The following ARL13B variants were observed in gnomAD, a reference collection of about 807,000 sequenced individuals.
ARL13B encodes the protein ARF like GTPase 13B, also known as ADP-ribosylation factor-like protein 13B.
In ARL13B, 36 loss-of-function variants were observed where a neutral mutation model predicts 56.1. The ratio of observed to expected loss-of-function variants is 0.64; its 90% CI spans 0.49 to 0.85. The LOEUF (loss-of-function observed/expected upper bound fraction) is 0.85. Among genes scored for constraint, ARL13B ranks in the 40% least tolerant of loss-of-function variants. The probability of loss-of-function intolerance (pLI) is 0.00; values close to 1 mark genes in which losing one functional copy is unlikely to be tolerated. For missense variants in ARL13B, 519 were observed against 507.1 expected (o/e 1.02, Z -0.23); for synonymous variants, 178 against 171.1 (o/e 1.04, Z -0.32).
chr3:94,004,399 T>G (rs2076100463), intron 3 of ARL13B, among the ~76,000 whole-genome samples: 1 of 152,148 alleles, frequency 6.6e-6, no homozygotes, highest in South Asian at 2.1e-4. Flanking sequence ...AGGCATACAC[T>G]TATATGATTT....
chr3:93,994,816 A>G (rs1236198258), intron 1 of ARL13B, among the ~76,000 whole-genome samples: 3 of 151,026 alleles, frequency 2.0e-5, no homozygotes, highest in East Asian at 3.9e-4. Context: ...TTTTTTTGTA[A>G]ATCTCTTGGA....
intron 3 of ARL13B, among the ~76,000 whole-genome samples, chr3:94,008,875 G>C (rs144694711): frequency 1.2e-3 from 189 of 152,188 alleles, no homozygotes; most frequent in African/African-American, 4.3e-3. Flanking sequence ...GGAGTTACAT[G>C]AACTACCTTA....
chr3:93,984,651 T>A (rs925169655), intron 1 of ARL13B, among the ~76,000 whole-genome samples: 16 of 152,230 alleles, frequency 1.1e-4, no homozygotes, highest in Admixed American at 3.9e-4. Context: ...GGATCAGTTG[T>A]ATAATATTGC....
At chr3:94,039,414 G>A (rs2076823952) in intron 5 of ARL13B, among the ~76,000 whole-genome samples, 1 of 151,310 alleles carries the variant, frequency 6.6e-6, no homozygotes, top group Admixed American at 6.6e-5. Flanking sequence ...GCAGGAGAAT[G>A]GCGTGAACCC....
At chr3:94,042,319 C>G (rs2076877363) in intron 6 of ARL13B, among the ~76,000 whole-genome samples, 1 of 151,644 alleles carries the variant, frequency 6.6e-6, no homozygotes, top group South Asian at 2.1e-4. Context: ...ATTTGCCTAC[C>G]CACTGACTCA....
At chr3:94,036,062 G>C (rs966123250) in intron 4 of ARL13B, among the ~76,000 whole-genome samples, 1 of 152,080 alleles carries the variant, frequency 6.6e-6, no homozygotes, top group African/African-American at 2.4e-5. Context: ...AACAGAATGA[G>C]ACACTGCCTC....
chr3:94,009,336 T>G (rs1205894073), intron 3 of ARL13B, among the ~76,000 whole-genome samples: 1 of 152,152 alleles, frequency 6.6e-6, no homozygotes, highest in Non-Finnish European at 1.5e-5. Context: ...TTTTTTTGTT[T>G]GTTTCCAACC....
At chr3:94,012,420 C>G (rs972965598) in intron 3 of ARL13B, among the ~76,000 whole-genome samples, 1 of 152,162 alleles carries the variant, frequency 6.6e-6, no homozygotes, top group Non-Finnish European at 1.5e-5. Context: ...ATCATCTAAT[C>G]TGTATCCTGT....
intron 3 of ARL13B, among the ~76,000 whole-genome samples, chr3:94,018,625 A>T (rs939828231): frequency 2.0e-5 from 3 of 152,106 alleles, no homozygotes; most frequent in African/African-American, 7.2e-5. Flanking sequence ...GGTTGCTCTT[A>T]AAAAACTGCC....
At chr3:94,043,989 G>A (rs1022500206) in intron 7 of ARL13B, among the ~76,000 whole-genome samples, 21 of 151,810 alleles carry the variant, frequency 1.4e-4, no homozygotes, top group African/African-American at 3.6e-4. Flanking sequence ...GTGCAGTGGC[G>A]TGATCTCGGC....
At chr3:94,026,815 G>A (rs188263345) in intron 3 of ARL13B, among the ~76,000 whole-genome samples, 15 of 152,126 alleles carry the variant, frequency 9.9e-5, no homozygotes, top group African/African-American at 3.6e-4. Context: ...ATACAGTTTT[G>A]AATTTTACTA....
chr3:93,980,429 C>T lies in ARL13B; in HGVS notation c.6C>T (p.Phe2=), dbSNP rs2107299111. 1.2e-6 allele frequency: 2 copies of T among 1,612,550 alleles called. No individual in the cohort carries two copies. The highest frequency in any genetic ancestry group is 1.3e-5 in the African/African-American group (1 of 75,034). Residue 2 remains phenylalanine, a synonymous_variant, in exon 1 of 10, where the codon TTC becomes TTT. Coordinates refer to ENST00000394222, the MANE Select transcript of ARL13B (RefSeq NM_001174150.2). M[F]SLMASCCGWF... is the part of the protein sequence containing the mutation. The stretch of plus-strand genomic sequence containing the variant: ...GGTGGGAGGAGCGACCCGGGATGTT[C>T]AGTCTGATGGCCAGTTGCTGCGGCT...
intron 3 of ARL13B, among the ~76,000 whole-genome samples, chr3:94,033,913 T>C (rs539885610): frequency 6.6e-6 from 1 of 152,140 alleles, no homozygotes; most frequent in South Asian, 2.1e-4. Flanking sequence ...ATCCCAAACA[T>C]GGGAATTCTA....
chr3:94,033,657 G>A (rs2076715343), intron 3 of ARL13B, among the ~76,000 whole-genome samples: 1 of 152,174 alleles, frequency 6.6e-6, no homozygotes, highest in Non-Finnish European at 1.5e-5. Flanking sequence ...ATCATTAAGT[G>A]AAAGATTAAT....
chr3:93,988,402 T>A (rs1450867033), intron 1 of ARL13B, among the ~76,000 whole-genome samples: 1 of 152,210 alleles, frequency 6.6e-6, no homozygotes, highest in Non-Finnish European at 1.5e-5. Context: ...CAGTCAAAAC[T>A]TCCTGTAATT....
chr3:94,025,472 G>A (rs1219408267), intron 3 of ARL13B, among the ~76,000 whole-genome samples: 1 of 152,156 alleles, frequency 6.6e-6, no homozygotes, highest in African/African-American at 2.4e-5. Context: ...TTATGTGAAA[G>A]ATCCTTTACA....
At chr3:94,032,271 A>T (rs1303728388) in intron 3 of ARL13B, among the ~76,000 whole-genome samples, 1 of 152,228 alleles carries the variant, frequency 6.6e-6, no homozygotes, top group East Asian at 1.9e-4. Context: ...AAAAGAAGAC[A>T]TACAGATGGC....
In ARL13B at chr3:94,021,182, TTA is replaced by T. The variant is rs373884811; in HGVS notation, c.381-14132_381-14131del. ...TTTTTGTCTTTCGTGTTTAATATTA[TTA>T]TATATATATATATATAATTTTTTTT... On this transcript the variant is annotated intron_variant, in intron 3 of 9. Transcript: ENST00000394222. Among the ~76,000 whole-genome samples, 413 of 146,432 alleles carry T rather than the reference TTA, an allele frequency of 2.8e-3. 2 individuals carry two copies. Among genetic ancestry groups the T allele is most frequent in the Non-Finnish European group, 4.5e-3 (298 of 66,626 alleles).
At position 94,030,202 on chromosome 3, in the gene ARL13B, C is replaced by G. The variant is rs755659174; in HGVS notation, c.381-5129C>G. 2.8e-4 allele frequency among the ~76,000 whole-genome samples: 42 copies of G among 152,032 alleles called. No individual in the cohort carries two copies. The South Asian group carries it at 4.2e-3, about 15-fold the overall frequency. ...CTGATTGTACCTTGTTTTTATAGTT[C>G]TGAATTTAGAACCATATAAATATTT... is the stretch of plus-strand genomic sequence containing the variant. On this transcript the variant is annotated intron_variant, in intron 3 of 9. Coordinates refer to ENST00000394222, the MANE Select transcript of ARL13B (RefSeq NM_001174150.2).
Sources: allele counts gnomAD v4.1 joint callset (sites outside exome capture counted in the v4.1 genomes callset), GRCh38; gene constraint gnomAD v4.1.1; transcripts MANE v1.5; gene names NCBI Gene and HGNC (gene_info 2026-07-23, HGNC 2026-07-21).